CEP85: variants seen among roughly 807,000 people sequenced by gnomAD.
CEP85 encodes centrosomal protein of 85 kDa.
A neutral mutation model predicts 93.7 loss-of-function variants in CEP85; 58 were observed. The observed-to-expected ratio is 0.62, with a 90% CI of 0.50 to 0.77. CEP85 has a LOEUF of 0.77. Ranked by LOEUF, CEP85 falls within the 30% of genes least tolerant of loss-of-function variation. The pLI is 0.00. For missense variants in CEP85, 868 were observed against 922.0 expected (o/e 0.94, Z 0.76); for synonymous variants, 314 against 338.6 (o/e 0.93, Z 0.80).
chr1:26,276,390 T>C (rs1243389743), intron 12 of CEP85, 145 bp from the exon 13 acceptor site: 2 of 675,166 alleles, frequency 3.0e-6, no homozygotes, highest in African/African-American at 1.8e-5. Flanking sequence ...GGAGAAGTGC[T>C]AAAAGCCTGT....
Position 26,277,480 on chromosome 1 carries a change from G to A in CEP85, c.*187G>A, listed in dbSNP as rs1251458460. ...TACCCACACTGGCATGTTGGATTAC[G>A]TTTGTCCTGTTAATTCACTCTAGAC... On this transcript the variant is annotated 3_prime_UTR_variant, in exon 14 of 14. Coordinates refer to ENST00000451429, the MANE Select transcript of CEP85 (RefSeq NM_001319944.2). The A allele has an allele frequency of 7.1e-6, 4 of 560,950 alleles. No individual in the cohort carries two copies. The highest frequency in any genetic ancestry group is 6.2e-5 in the Admixed American group (2 of 32,012). 34.7% of individuals were successfully genotyped at this position (560,950 alleles called of 1,614,324 possible).
intron 1 of CEP85, among the ~76,000 whole-genome samples, chr1:26,237,339 G>A (rs1039135610): frequency 6.6e-6 from 1 of 152,122 alleles, no homozygotes; most frequent in Non-Finnish European, 1.5e-5. Context: ...AAAGAAACCC[G>A]GTATCCATTA....
At chr1:26,275,211 G>C (rs554281540) in intron 12 of CEP85, 140 bp downstream of exon 12, 27 of 613,658 alleles carry the variant, frequency 4.4e-5, no homozygotes, top group Non-Finnish European at 7.5e-5. Flanking sequence ...CAGAGGAAAG[G>C]TGCATTGCAT....
chr1:26,269,315 A>C, intron 8 of CEP85, 145 bp from the exon 9 acceptor site: 1 of 707,744 alleles, frequency 1.4e-6, no homozygotes. Flanking sequence ...TGCGAGGAGC[A>C]CCCTTTCTGC....
chr1:26,269,498 G>C lies in CEP85; in HGVS notation c.1533G>C (p.Glu511Asp), dbSNP rs768003600. ...AGTTGAAGAGCACAGAGCTGCAGGAGAAAGTGACTGAGCTGGAGAGTTTGC... is the reference window on the plus strand; with the variant it reads ...AGTTGAAGAGCACAGAGCTGCAGGACAAAGTGACTGAGCTGGAGAGTTTGC... Reference protein sequence around the residue: ...DSELKSTELQEKVTELESLLE... With the variant: ...DSELKSTELQDKVTELESLLE... Residue 511 changes from glutamate to aspartate, a missense_variant, in exon 9 of 14, where the codon GAG becomes GAC. Transcript: ENST00000451429. The C allele has an allele frequency of 2.5e-6, 4 of 1,614,168 alleles. No individual in the cohort carries two copies. Among genetic ancestry groups the C allele is most frequent in the Non-Finnish European group, 3.4e-6 (4 of 1,179,996 alleles).
At chr1:26,275,975 GGA>G (rs1233721009) in intron 12 of CEP85, among the ~76,000 whole-genome samples, 1 of 152,218 alleles carries the variant, frequency 6.6e-6, no homozygotes, top group Non-Finnish European at 1.5e-5. Context: ...TGAAAAGGCA[GGA>G]CTTGTTCCAG....
intron 12 of CEP85, 62 bp from the exon 13 acceptor site, chr1:26,276,473 T>G (rs2090053502): frequency 1.5e-6 from 2 of 1,333,514 alleles, no homozygotes; most frequent in Non-Finnish European, 2.1e-6. Context: ...CACACACTCA[T>G]GCACAGATAC....
At chr1:26,267,299 C>A (rs1042838574) in intron 7 of CEP85, among the ~76,000 whole-genome samples, 1 of 152,194 alleles carries the variant, frequency 6.6e-6, no homozygotes, top group Non-Finnish European at 1.5e-5. Context: ...TGCAGTGGCT[C>A]ATGCCTGTAA....
intron 2 of CEP85, among the ~76,000 whole-genome samples, chr1:26,241,465 C>G (rs889591707): frequency 2.0e-5 from 3 of 152,174 alleles, no homozygotes; most frequent in South Asian, 2.1e-4. Flanking sequence ...AGGATGGTCT[C>G]AATCTCCTGA....
chr1:26,276,477 C>T (rs911207035), intron 12 of CEP85, 58 bp from the exon 13 acceptor site: 2 of 1,383,340 alleles, frequency 1.4e-6, no homozygotes, highest in Non-Finnish European at 1.0e-6. Flanking sequence ...CACTCATGCA[C>T]AGATACTCTT....
rs777194985 is a variant in CEP85 at position 26,271,093 on chromosome 1, G to A, written c.1729G>A (p.Asp577Asn). 9.3e-6 allele frequency: 15 copies of A among 1,610,150 alleles called. No individual in the cohort carries two copies. The East Asian group carries it at 2.5e-4, about 26-fold the overall frequency. Reference protein sequence around the residue: ...VEMESWQKRYDSLQKIVEKQQ... With the variant: ...VEMESWQKRYNSLQKIVEKQQ... ...AATGGAGTCCTGGCAGAAGCGATAC[G>A]ATTCGCTCCAAAAGGTGACTGAGGG... Residue 577 changes from aspartate to asparagine, a missense_variant, in exon 10 of 14, where the codon GAT (aspartate) becomes AAT (asparagine). Asp to Asn is a conservative substitution (Grantham distance 23, BLOSUM62 1). Transcript: ENST00000451429.
rs2090067498 is a variant in CEP85, at chr1:26,277,254, A to G, written c.2247A>G (p.Arg749=). 1 of 1,614,088 alleles carries G rather than the reference A, an allele frequency of 6.2e-7. No homozygotes were observed. Among genetic ancestry groups the G allele is most frequent in the Non-Finnish European group, 8.5e-7 (1 of 1,180,016 alleles). ...ACTTAAGGACCACCATGTCAGACAG[A>G]TATGCCCAGGACATGGGAGAAAACT... ...IEDLRTTMSD[R]YAQDMGENCV... is the part of the protein sequence containing the mutation. Residue 749 remains arginine (R), a synonymous_variant, in exon 14 of 14, where the codon AGA becomes AGG. Coordinates refer to ENST00000451429, the MANE Select transcript of CEP85 (RefSeq NM_001319944.2).
intron 7 of CEP85, chr1:26,262,905 T>C (rs1289014544): frequency 6.6e-6 from 1 of 152,220 alleles, no homozygotes; most frequent in Non-Finnish European, 1.5e-5. Flanking sequence ...CTGGGCTAAA[T>C]TTTGTACTTT....
intron 12 of CEP85, 41 bp downstream of exon 12, chr1:26,275,112 A>G (rs528194082): frequency 6.8e-7 from 1 of 1,466,960 alleles, no homozygotes; most frequent in Admixed American, 2.0e-5. Flanking sequence ...TGCCTCCACA[A>G]ACCCGATTTC....
At chr1:26,274,063 A>G (rs1238622489) in intron 11 of CEP85, among the ~76,000 whole-genome samples, 6 of 151,724 alleles carry the variant, frequency 4.0e-5, no homozygotes, top group Non-Finnish European at 4.4e-5. Flanking sequence ...ATATAAAAAA[A>G]TTTTCACACT....
At chr1:26,235,430 G>T (rs1222567860) in intron 1 of CEP85, among the ~76,000 whole-genome samples, 1 of 152,146 alleles carries the variant, frequency 6.6e-6, no homozygotes, top group Non-Finnish European at 1.5e-5. Flanking sequence ...TGATCAAGGC[G>T]GTGAAAATAG....
intron 11 of CEP85, among the ~76,000 whole-genome samples, chr1:26,273,813 T>C (rs10902729): frequency 0.88 from 133,069 of 151,706 alleles, 59,321 homozygotes; most frequent in Non-Finnish European, 0.93. Context: ...AGGAGAATTG[T>C]TTGAACCTGG....
At chr1:26,266,316 G>A (rs189512315) in intron 7 of CEP85, among the ~76,000 whole-genome samples, 3 of 152,322 alleles carry the variant, frequency 2.0e-5, no homozygotes, top group Non-Finnish European at 4.4e-5. Context: ...GAGCCCAGGA[G>A]GTCAAGGCTG....
At position 26,255,522 on chromosome 1, in the gene CEP85, C is replaced by T. The variant is rs749814661; in HGVS notation, c.560C>T (p.Thr187Ile). 2.5e-6 allele frequency: 4 copies of T among 1,614,042 alleles called. No homozygotes were observed. The highest frequency in any genetic ancestry group is 3.4e-6 in the Non-Finnish European group (4 of 1,179,972). Residue 187 changes from threonine to isoleucine, a missense_variant, in exon 4 of 14, where the codon ACC becomes ATC. Coordinates refer to ENST00000451429, the MANE Select transcript of CEP85 (RefSeq NM_001319944.2). ...RKFDIPSMES[T>I]LNQSAMMETL... ...TTTGATATTCCTAGCATGGAATCTA[C>T]CCTCAATCAGTCGGCAATGATGGAG...
Sources: gnomAD v4.1 joint callset for allele counts (sites outside exome capture counted in the v4.1 genomes callset) on GRCh38, gnomAD v4.1.1 for gene constraint, MANE v1.5 for transcripts, NCBI Gene and HGNC (gene_info 2026-07-23, HGNC 2026-07-21) for gene names.